The following RORA variants were observed in gnomAD, a reference collection of about 807,000 sequenced individuals.
The protein encoded by RORA is nuclear receptor ROR-alpha.
RORA carries 7 observed loss-of-function variants against 69.5 expected under a neutral mutation model. The observed-to-expected ratio is 0.10, with a 90% CI of 0.06 to 0.19. The LOEUF (loss-of-function observed/expected upper bound fraction) is 0.19, where lower values mean the gene tolerates loss of function less well. Among genes scored for constraint, RORA ranks in the 10% least tolerant of loss-of-function variants. RORA has a pLI of 1.00. For missense variants in RORA, 457 were observed against 663.0 expected (o/e 0.69, Z 3.41); for synonymous variants, 261 against 240.8 (o/e 1.08, Z -0.78).
intron 2 of RORA, among the ~76,000 whole-genome samples, chr15:60,614,062 A>G (rs180810373): frequency 1.5e-3 from 221 of 152,282 alleles, no homozygotes; most frequent in Non-Finnish European, 1.3e-3. Context: ...TAGGTTAGTA[A>G]AAAAATGGTC....
intron 1 of RORA, among the ~76,000 whole-genome samples, chr15:60,941,758 A>C (rs1347223389): frequency 6.6e-6 from 1 of 152,222 alleles, no homozygotes; most frequent in Non-Finnish European, 1.5e-5. Flanking sequence ...TTAGCAACCC[A>C]AGACCTCCCT....
chr15:60,511,735 T>A lies in RORA; in HGVS notation c.425-114A>T, dbSNP rs1309056541. 1 of 1,136,996 alleles carries A rather than the reference T, an allele frequency of 8.8e-7. No homozygotes were observed. Among genetic ancestry groups the A allele is most frequent in the Non-Finnish European group, 1.2e-6 (1 of 820,046 alleles). The allele number at this position is 1,136,996 out of a possible 1,614,324, so 70.4% of individuals were successfully genotyped here. On this transcript the variant is annotated intron_variant, in intron 4 of 10. Transcript: ENST00000335670. The surrounding 1 kb of genome is among the most constrained non-coding windows in gnomAD (Gnocchi z 6.4). Reference sequence around the variant, plus strand: ...CACACAATCTCAATCCAAAACTGCATGACCACAAAATAAGGACATATTCAG... The same window carrying A: ...CACACAATCTCAATCCAAAACTGCAAGACCACAAAATAAGGACATATTCAG...
At chr15:60,569,323 C>T (rs1442479824) in intron 2 of RORA, among the ~76,000 whole-genome samples, 2 of 149,614 alleles carry the variant, frequency 1.3e-5, no homozygotes, top group African/African-American at 2.5e-5. Context: ...CAGCTACTGG[C>T]GAGGCTGAGG....
intron 1 of RORA, among the ~76,000 whole-genome samples, chr15:60,680,861 AT>A (rs1596120658): frequency 6.6e-6 from 1 of 152,192 alleles, no homozygotes; most frequent in African/African-American, 2.4e-5. Flanking sequence ...TAATAAACAC[AT>A]TTTTATGGAG....
intron 1 of RORA, among the ~76,000 whole-genome samples, chr15:60,739,981 T>C (rs904294466): frequency 6.6e-6 from 1 of 152,050 alleles, no homozygotes; most frequent in African/African-American, 2.4e-5. Flanking sequence ...AGAGGTTCCA[T>C]CCAAAGAAAG....
intron 1 of RORA, among the ~76,000 whole-genome samples, chr15:60,692,379 G>C (rs1336097129): frequency 6.6e-6 from 1 of 151,912 alleles, no homozygotes; most frequent in Non-Finnish European, 1.5e-5. Flanking sequence ...TACTCTTTTG[G>C]ACCACATGGC....
chr15:60,643,359 T>G (rs983805803), intron 2 of RORA, among the ~76,000 whole-genome samples: 7 of 152,204 alleles, frequency 4.6e-5, no homozygotes, highest in Non-Finnish European at 1.0e-4. Flanking sequence ...TAACCTAGAA[T>G]CTCAGAGATC....
intron 1 of RORA, among the ~76,000 whole-genome samples, chr15:60,888,370 C>A (rs934456110): frequency 3.9e-5 from 6 of 152,196 alleles, no homozygotes; most frequent in African/African-American, 1.2e-4. Context: ...GTGTTTCTAC[C>A]ACGTTCTTTC....
chr15:60,910,856 T>A (rs76968195), intron 1 of RORA, among the ~76,000 whole-genome samples: 3,894 of 151,470 alleles, frequency 0.026, 189 homozygotes, highest in African/African-American at 0.09. Context: ...ACATAAATCA[T>A]CTTTATGAGG....
intron 1 of RORA, among the ~76,000 whole-genome samples, chr15:60,759,191 G>A (rs2140870334): frequency 6.6e-6 from 1 of 152,308 alleles, no homozygotes; most frequent in South Asian, 2.1e-4. Flanking sequence ...TAACAAAAAT[G>A]CACTCTGCTA....
chr15:60,997,346 AT>A (rs1404596097), intron 1 of RORA, among the ~76,000 whole-genome samples: 8 of 152,136 alleles, frequency 5.3e-5, no homozygotes, highest in South Asian at 2.1e-4. Flanking sequence ...AAGGAAAACA[AT>A]TTGTCTACGA....
At position 60,589,688 on chromosome 15, in the gene RORA, C is replaced by T. The variant is rs28453678; in HGVS notation, c.197-57837G>A. Among the ~76,000 whole-genome samples the T allele has an allele frequency of 3.4e-3, 525 of 152,286 alleles. 6 individuals carry two copies. Among genetic ancestry groups the T allele is most frequent in the African/African-American group, 0.011 (456 of 41,548 alleles). On this transcript the variant is annotated intron_variant, in intron 2 of 10. Transcript: ENST00000335670. ...AGATTTATTACATTTGAGCATGAAA[C>T]TAAGCCTAAACTTATTTGACAACTA...
chr15:60,499,847 A>C, intron 10 of RORA, 45 bp downstream of exon 10: 1 of 1,057,990 alleles, frequency 9.5e-7, no homozygotes, highest in South Asian at 1.4e-5. Context: ...GATTTGTGCC[A>C]GGGGATAGTT....
At chr15:60,515,004 C>G (rs2065817466) in intron 3 of RORA, among the ~76,000 whole-genome samples, 1 of 152,136 alleles carries the variant, frequency 6.6e-6, no homozygotes, top group South Asian at 2.1e-4. Flanking sequence ...AGACAGTTGC[C>G]CATGTAAAAA....
intron 1 of RORA, among the ~76,000 whole-genome samples, chr15:60,862,023 A>C (rs2073439623): frequency 6.6e-6 from 1 of 152,228 alleles, no homozygotes; most frequent in Admixed American, 6.5e-5. Context: ...AATTATATTC[A>C]CTCTAGATTT....
At chr15:60,552,747 T>A (rs2067259110) in intron 2 of RORA, among the ~76,000 whole-genome samples, 1 of 152,254 alleles carries the variant, frequency 6.6e-6, no homozygotes, top group Non-Finnish European at 1.5e-5. Context: ...CATCTTCTTC[T>A]GAACTACATT....
chr15:60,525,718 G>C (rs759976339), intron 3 of RORA, among the ~76,000 whole-genome samples: 4 of 152,192 alleles, frequency 2.6e-5, no homozygotes, highest in Admixed American at 6.5e-5. Flanking sequence ...GGGGACTGCT[G>C]AAGTGGGTGT....
At chr15:60,862,135 C>T (rs2073440581) in intron 1 of RORA, among the ~76,000 whole-genome samples, 1 of 152,206 alleles carries the variant, frequency 6.6e-6, no homozygotes, top group South Asian at 2.1e-4. Context: ...CTGCTATATA[C>T]AAATCTTTAC....
chr15:60,917,722 T>A (rs1891920700), intron 1 of RORA, among the ~76,000 whole-genome samples: 1 of 152,228 alleles, frequency 6.6e-6, no homozygotes, highest in South Asian at 2.1e-4. Flanking sequence ...GGGCTGAGAA[T>A]ATAATCTCTC....
Sources: allele counts gnomAD v4.1 joint callset (sites outside exome capture counted in the v4.1 genomes callset), GRCh38; gene constraint gnomAD v4.1.1; non-coding constraint Gnocchi (gnomAD v3.1); transcripts MANE v1.5; gene names NCBI Gene and HGNC (gene_info 2026-07-23, HGNC 2026-07-21).